Variants in CPNE8 observed in about 807,000 individuals in gnomAD.
The protein encoded by CPNE8 is copine-8.
CPNE8 carries 45 observed loss-of-function variants against 81.5 expected under a neutral mutation model. That is an observed-to-expected ratio of 0.55 (90% CI 0.44 to 0.71). CPNE8 has a LOEUF of 0.71. Ranked by LOEUF, CPNE8 falls within the 30% of genes least tolerant of loss-of-function variation. The pLI, the probability that CPNE8 is intolerant of heterozygous loss-of-function variation, is 0.00. For missense variants in CPNE8, 594 were observed against 672.1 expected (o/e 0.88, Z 1.28); for synonymous variants, 252 against 226.3 (o/e 1.11, Z -1.02).
intron 6 of CPNE8, among the ~76,000 whole-genome samples, chr12:38,818,313 G>A (rs965521571): frequency 6.6e-6 from 1 of 152,072 alleles, no homozygotes; most frequent in Non-Finnish European, 1.5e-5. Flanking sequence ...AGGTGCTGGT[G>A]TGTGATGTTC....
intron 8 of CPNE8, among the ~76,000 whole-genome samples, chr12:38,765,762 C>T (rs959539425): frequency 6.6e-6 from 1 of 152,000 alleles, no homozygotes; most frequent in Non-Finnish European, 1.5e-5. Flanking sequence ...ATGAGATTCA[C>T]CAACTTTTAA....
chr12:38,890,352 G>C (rs1944297501), intron 1 of CPNE8, among the ~76,000 whole-genome samples: 1 of 152,128 alleles, frequency 6.6e-6, no homozygotes, highest in Non-Finnish European at 1.5e-5. Context: ...TTTATAGCCA[G>C]ACAAGTGTAG....
chr12:38,786,466 T>C (rs1942189744), intron 6 of CPNE8, among the ~76,000 whole-genome samples: 1 of 152,150 alleles, frequency 6.6e-6, no homozygotes, highest in Non-Finnish European at 1.5e-5. Flanking sequence ...CATCTTTCTC[T>C]CCTGCTGGAT....
intron 10 of CPNE8, among the ~76,000 whole-genome samples, chr12:38,757,693 T>C (rs568548219): frequency 2.6e-5 from 4 of 152,174 alleles, no homozygotes; most frequent in African/African-American, 9.6e-5. Flanking sequence ...CTAAATTTTC[T>C]ACATTAAAAT....
At chr12:38,840,177 C>T (rs553483107) in intron 4 of CPNE8, among the ~76,000 whole-genome samples, 1 of 152,068 alleles carries the variant, frequency 6.6e-6, no homozygotes, top group Non-Finnish European at 1.5e-5. Flanking sequence ...ACCTAACAAG[C>T]CTTAATATTT....
chr12:38,897,780 ATTTT>A (rs1447434798), intron 1 of CPNE8, among the ~76,000 whole-genome samples: 13 of 152,030 alleles, frequency 8.6e-5, no homozygotes, highest in South Asian at 4.1e-4. Context: ...AAGGATTTTA[ATTTT>A]TTTATTATCT....
chr12:38,892,728 C>A (rs1944331391), intron 1 of CPNE8, among the ~76,000 whole-genome samples: 1 of 152,180 alleles, frequency 6.6e-6, no homozygotes, highest in African/African-American at 2.4e-5. Context: ...CTGAATCCAT[C>A]TGACAATTTT....
intron 6 of CPNE8, among the ~76,000 whole-genome samples, chr12:38,796,999 T>C (rs1592097660): frequency 6.6e-6 from 1 of 151,728 alleles, no homozygotes; most frequent in African/African-American, 2.4e-5. Flanking sequence ...GGGGGACGGG[T>C]GCCCGCCATT....
chr12:38,659,310 T>A lies in CPNE8; in HGVS notation c.1507-5240A>T, dbSNP rs1018459486. ...GATCGAAAAAGACAAAGAAGGCCATTACATAATGGTAAAGGGATCAATTCA... is the reference window on the plus strand; with the variant it reads ...GATCGAAAAAGACAAAGAAGGCCATAACATAATGGTAAAGGGATCAATTCA... On this transcript the variant is annotated intron_variant, in intron 19 of 19. Coordinates refer to ENST00000331366, the MANE Select transcript of CPNE8 (RefSeq NM_153634.3). 7.3e-5 allele frequency among the ~76,000 whole-genome samples: 11 copies of A among 151,682 alleles called. 1 individual carries two copies. The highest frequency in any genetic ancestry group is 1.6e-4 in the Non-Finnish European group (11 of 67,972).
At chr12:38,858,291 C>T (rs184601152) in intron 3 of CPNE8, among the ~76,000 whole-genome samples, 3 of 152,268 alleles carry the variant, frequency 2.0e-5, no homozygotes, top group African/African-American at 7.2e-5. Context: ...TTCCGTCGAG[C>T]CCCAAAATTG....
chr12:38,862,024 A>G (rs544248702), intron 3 of CPNE8, among the ~76,000 whole-genome samples: 1 of 152,294 alleles, frequency 6.6e-6, no homozygotes, highest in South Asian at 2.1e-4. Flanking sequence ...GGGTACTAAT[A>G]TCACAAAAGA....
chr12:38,888,666 G>T (rs1452700576), intron 1 of CPNE8, among the ~76,000 whole-genome samples: 1 of 152,108 alleles, frequency 6.6e-6, no homozygotes, highest in Non-Finnish European at 1.5e-5. Context: ...ACAGAAGTGT[G>T]CCCTGACTCA....
intron 6 of CPNE8, among the ~76,000 whole-genome samples, chr12:38,814,306 T>C (rs1052634332): frequency 7.8e-6 from 1 of 128,666 alleles, no homozygotes; most frequent in Non-Finnish European, 1.6e-5. Context: ...GAGCCAGACC[T>C]GGCTTTTTTT....
intron 4 of CPNE8, among the ~76,000 whole-genome samples, chr12:38,842,569 CT>C (rs769891980): frequency 2.9e-3 from 325 of 110,838 alleles, no homozygotes; most frequent in African/African-American, 7.1e-3. Flanking sequence ...AACATTTTTC[CT>C]TTTTTTTTTT....
At chr12:38,841,881 T>A (rs1159955014) in intron 4 of CPNE8, among the ~76,000 whole-genome samples, 1 of 152,142 alleles carries the variant, frequency 6.6e-6, no homozygotes, top group Non-Finnish European at 1.5e-5. Context: ...AGATGAAGGA[T>A]TAAATGCAGA....
intron 6 of CPNE8, among the ~76,000 whole-genome samples, chr12:38,799,433 C>T (rs189569353): frequency 6.6e-6 from 1 of 152,114 alleles, no homozygotes; most frequent in African/African-American, 2.4e-5. Context: ...GAACAACCTG[C>T]TCCTGAATGA....
rs140871257 is a variant in CPNE8, at chr12:38,857,309, C to A, written c.187-8647G>T. Among the ~76,000 whole-genome samples the A allele has an allele frequency of 7.0e-4, 106 of 152,182 alleles. 2 individuals carry two copies. In the East Asian group the frequency reaches 0.016, roughly 23 times the overall value. On this transcript the variant is annotated intron_variant, in intron 3 of 19. Transcript: ENST00000331366. ...TTATTTTGTAATATAATTGGCAGTA[C>A]ATGAATATATTGACTATAAATAAAA...
At chr12:38,740,931 T>A (rs1417338246) in intron 10 of CPNE8, among the ~76,000 whole-genome samples, 1 of 152,154 alleles carries the variant, frequency 6.6e-6, no homozygotes, top group African/African-American at 2.4e-5. Flanking sequence ...GATTTCCTCT[T>A]TTTCTATTGA....
intron 13 of CPNE8, among the ~76,000 whole-genome samples, chr12:38,708,642 A>G (rs1408027162): frequency 1.3e-5 from 2 of 152,210 alleles, no homozygotes; most frequent in Non-Finnish European, 2.9e-5. Flanking sequence ...TACTACTAAA[A>G]TATGAACTTG....
Sources: gnomAD v4.1 joint callset for allele counts (sites outside exome capture counted in the v4.1 genomes callset) on GRCh38, gnomAD v4.1.1 for gene constraint, MANE v1.5 for transcripts, NCBI Gene and HGNC (gene_info 2026-07-23, HGNC 2026-07-21) for gene names.